The following RRP15 variants were observed in gnomAD, a reference collection of about 807,000 sequenced individuals.
The protein encoded by RRP15 is RRP15-like protein.
In RRP15, 18 loss-of-function variants were observed where a neutral mutation model predicts 27.1. The observed-to-expected ratio is 0.66, with a 90% CI of 0.46 to 0.98. The LOEUF (loss-of-function observed/expected upper bound fraction) is 0.98, where lower values mean the gene tolerates loss of function less well. RRP15 is among the 50% of genes least tolerant of loss of function. The probability of loss-of-function intolerance (pLI) is 0.00; values close to 1 mark genes in which losing one functional copy is unlikely to be tolerated. For missense variants in RRP15, 359 were observed against 337.8 expected (o/e 1.06, Z -0.49); for synonymous variants, 107 against 109.4 (o/e 0.98, Z 0.14).
chr1:218,290,002 T>C (rs774031621), intron 1 of RRP15, among the ~76,000 whole-genome samples: 1 of 152,214 alleles, frequency 6.6e-6, no homozygotes, highest in African/African-American at 2.4e-5. Context: ...CTCTTTTGTT[T>C]ACATTAGTTC....
intron 4 of RRP15, among the ~76,000 whole-genome samples, chr1:218,327,613 G>GT (rs1656294947): frequency 6.6e-6 from 1 of 152,034 alleles, no homozygotes; most frequent in Non-Finnish European, 1.5e-5. Flanking sequence ...CTTAAACAAG[G>GT]TTTTCTTGAG....
intron 1 of RRP15, among the ~76,000 whole-genome samples, chr1:218,301,023 A>T (rs939581041): frequency 5.9e-5 from 9 of 152,206 alleles, no homozygotes; most frequent in East Asian, 3.8e-4. Flanking sequence ...ATCAATATTT[A>T]AAAAAATACT....
In RRP15 at chr1:218,336,578, G is replaced by A. The variant is rs1477003417; in HGVS notation, c.*5487G>A. 1 of 152,512 alleles carries A rather than the reference G, an allele frequency of 6.6e-6. No individual in the cohort carries two copies. Among genetic ancestry groups the A allele is most frequent in the Non-Finnish European group, 1.5e-5 (1 of 68,018 alleles). The allele number at this position is 152,512 out of a possible 1,614,324, so 9.4% of individuals were successfully genotyped here. On this transcript the variant is annotated 3_prime_UTR_variant, in exon 5 of 5. Transcript: ENST00000366932. ...TTGCAGAACCAGACTTCAATCTTAG[G>A]TAAAAATGTATCCCTCCCATGGACA...
intron 4 of RRP15, among the ~76,000 whole-genome samples, chr1:218,325,560 T>C (rs1018393008): frequency 6.6e-6 from 1 of 152,250 alleles, no homozygotes; most frequent in Admixed American, 6.5e-5. Context: ...TGCTTTCCAA[T>C]ATTGCTACTG....
At chr1:218,322,302 T>C (rs1230531395) in intron 4 of RRP15, among the ~76,000 whole-genome samples, 1 of 152,188 alleles carries the variant, frequency 6.6e-6, no homozygotes, top group Non-Finnish European at 1.5e-5. Flanking sequence ...TTAAGAGAAT[T>C]AGAAATAAGG....
intron 1 of RRP15, among the ~76,000 whole-genome samples, chr1:218,299,382 T>C (rs1466877095): frequency 6.6e-6 from 1 of 152,146 alleles, no homozygotes; most frequent in Non-Finnish European, 1.5e-5. Flanking sequence ...ATGGATTTAT[T>C]GTGTGTTCAT....
chr1:218,287,142 CTTTTTTTT>C (rs1214536139), intron 1 of RRP15, among the ~76,000 whole-genome samples: 1 of 111,406 alleles, frequency 9.0e-6, no homozygotes, highest in Admixed American at 9.6e-5. Context: ...TTTTTTTTTT[CTTTTTTTT>C]TTTTTTTTTT....
chr1:218,308,063 T>TTA (rs1655930136), intron 4 of RRP15, among the ~76,000 whole-genome samples: 1 of 56,600 alleles, frequency 1.8e-5, no homozygotes, highest in Non-Finnish European at 3.2e-5. Context: ...TCTTTCTTTC[T>TTA]TTTTTTTTTT....
At chr1:218,293,981 T>C (rs553725322) in intron 1 of RRP15, among the ~76,000 whole-genome samples, 18 of 152,258 alleles carry the variant, frequency 1.2e-4, no homozygotes, top group Admixed American at 9.2e-4. Context: ...CAGTTATATA[T>C]ATCAACTTGA....
In RRP15 at chr1:218,305,087, C is replaced by T; in HGVS notation, c.465C>T (p.Asp155=). ...GAGTAAAGCCAGATGTTGTCCAAGA[C>T]AAAGAGACAGAGAGAAATCTTCAGA... ...MCRVKPDVVQ[D]KETERNLQRI... The change falls in exon 3 of 5, where the codon GAC becomes GAT. Residue 155 remains aspartate, a synonymous_variant. Transcript: ENST00000366932. 3 of 1,613,708 alleles carry T rather than the reference C, an allele frequency of 1.9e-6. No homozygotes were observed. Among genetic ancestry groups the T allele is most frequent in the Non-Finnish European group, 2.5e-6 (3 of 1,179,764 alleles).
chr1:218,311,434 G>A (rs1203573246), intron 4 of RRP15, among the ~76,000 whole-genome samples: 1 of 152,092 alleles, frequency 6.6e-6, no homozygotes, highest in Non-Finnish European at 1.5e-5. Flanking sequence ...CTTCAGCTTT[G>A]TTACAATTTT....
At chr1:218,293,027 TA>T (rs1246860838) in intron 1 of RRP15, among the ~76,000 whole-genome samples, 1 of 151,486 alleles carries the variant, frequency 6.6e-6, no homozygotes, top group African/African-American at 2.4e-5. Flanking sequence ...TTTTTTTTCT[TA>T]TTTTTTTTTT....
chr1:218,319,797 G>A (rs1180215294), intron 4 of RRP15, among the ~76,000 whole-genome samples: 2 of 152,074 alleles, frequency 1.3e-5, no homozygotes, highest in South Asian at 2.1e-4. Flanking sequence ...TCAGGAAGAC[G>A]TTGGTATCTA....
chr1:218,295,118 C>T (rs1411039697), intron 1 of RRP15, among the ~76,000 whole-genome samples: 2 of 152,032 alleles, frequency 1.3e-5, no homozygotes, highest in African/African-American at 4.8e-5. Flanking sequence ...AATAAAAACC[C>T]CAAAACAGAA....
At chr1:218,308,015 G>A (rs760034154) in intron 4 of RRP15, among the ~76,000 whole-genome samples, 1 of 149,360 alleles carries the variant, frequency 6.7e-6, no homozygotes, top group African/African-American at 2.5e-5. Flanking sequence ...TATGACCTTT[G>A]GCATGAGAAC....
chr1:218,328,100 A>T (rs1173900523), intron 4 of RRP15, among the ~76,000 whole-genome samples: 1 of 152,238 alleles, frequency 6.6e-6, no homozygotes, highest in African/African-American at 2.4e-5. Context: ...TCACACTTTA[A>T]GAATCACTGA....
chr1:218,286,625 A>G (rs189360350), intron 1 of RRP15, among the ~76,000 whole-genome samples: 2 of 152,222 alleles, frequency 1.3e-5, no homozygotes, highest in Non-Finnish European at 2.9e-5. Flanking sequence ...CAATTGGAAT[A>G]TAAGTTCCAT....
intron 1 of RRP15, among the ~76,000 whole-genome samples, chr1:218,285,890 G>A (rs1457123429): frequency 1.3e-5 from 2 of 152,254 alleles, no homozygotes; most frequent in Admixed American, 6.5e-5. Context: ...GTGTTTTAGA[G>A]ACTAAATAAT....
At position 218,287,110 on chromosome 1, in the gene RRP15, G is replaced by A. The variant is rs139436474; in HGVS notation, c.139+1655G>A. Among the ~76,000 whole-genome samples, 1,263 of 147,452 alleles carry A rather than the reference G, an allele frequency of 8.6e-3. 19 individuals carry two copies. The highest frequency in any genetic ancestry group is 0.029 in the African/African-American group (1,161 of 39,804). ...TCCCCAGGTAGCTAGGACTACAGGCGCATACCACTGTACCTGGCTAATTTT... is the reference window on the plus strand; with the variant it reads ...TCCCCAGGTAGCTAGGACTACAGGCACATACCACTGTACCTGGCTAATTTT... On this transcript the variant is annotated intron_variant, in intron 1 of 4. Transcript: ENST00000366932.
Sources: gnomAD v4.1 joint callset for allele counts (sites outside exome capture counted in the v4.1 genomes callset) on GRCh38, gnomAD v4.1.1 for gene constraint, MANE v1.5 for transcripts, NCBI Gene and HGNC (gene_info 2026-07-23, HGNC 2026-07-21) for gene names.